Variants in EPHA6 observed in about 807,000 individuals in gnomAD.
The protein encoded by EPHA6 is EPH receptor A6.
EPHA6 carries 50 observed loss-of-function variants against 112.0 expected under a neutral mutation model. The observed-to-expected ratio is 0.45, with a 90% CI of 0.36 to 0.56. EPHA6 has a LOEUF of 0.56. EPHA6 is among the 20% of genes least tolerant of loss of function. The pLI, the probability that EPHA6 is intolerant of heterozygous loss-of-function variation, is 0.00. For synonymous variants in EPHA6, 529 were observed against 490.7 expected, an observed-to-expected ratio of 1.08 and a Z score of -1.03; for missense variants, 1,280 against 1,417.4, an observed-to-expected ratio of 0.90 and a Z score of 1.56.
At chr3:97,359,811 C>G (rs71311318) in intron 5 of EPHA6, among the ~76,000 whole-genome samples, 11,926 of 151,746 alleles carry the variant, frequency 0.079, 645 homozygotes, top group Non-Finnish European at 0.12. Context: ...TGCCAAAGAT[C>G]AGCATGCGGT....
At chr3:97,333,625 A>G (rs184832387) in intron 5 of EPHA6, among the ~76,000 whole-genome samples, 90 of 151,156 alleles carry the variant, frequency 6.0e-4, no homozygotes, top group South Asian at 3.8e-3. Flanking sequence ...GGCACACACC[A>G]CCACACACAG....
rs536883605 is a variant in EPHA6, at chr3:97,158,917, T to C, written c.1115-67347T>C. ...GTGGGCAAAATATGGGGGAGGCGTG[T>C]AGCTTTTTATGTTGTAGCCATCTTA... On this transcript the variant is annotated intron_variant, in intron 3 of 17. Transcript: ENST00000389672. 1.4e-3 allele frequency among the ~76,000 whole-genome samples: 219 copies of C among 152,212 alleles called. 1 individual carries two copies. Among genetic ancestry groups the C allele is most frequent in the Non-Finnish European group, 2.2e-3 (152 of 68,004 alleles).
chr3:97,609,069 G>C (rs9838161), intron 12 of EPHA6, among the ~76,000 whole-genome samples: 2,328 of 151,430 alleles, frequency 0.015, 74 homozygotes, highest in African/African-American at 0.053. Context: ...ATTCTTAAGG[G>C]AAGGATAAAT....
At chr3:97,016,853 G>T (rs1268339276) in intron 3 of EPHA6, among the ~76,000 whole-genome samples, 1 of 152,012 alleles carries the variant, frequency 6.6e-6, no homozygotes, top group Non-Finnish European at 1.5e-5. Flanking sequence ...TGATTATTTT[G>T]CCATTTGTTC....
At chr3:97,334,138 A>G (rs2082939351) in intron 5 of EPHA6, among the ~76,000 whole-genome samples, 1 of 152,106 alleles carries the variant, frequency 6.6e-6, no homozygotes, top group Non-Finnish European at 1.5e-5. Context: ...CTTTATATAT[A>G]TGGAAGAAAT....
At chr3:97,195,969 T>C (rs1426163819) in intron 3 of EPHA6, among the ~76,000 whole-genome samples, 1 of 152,034 alleles carries the variant, frequency 6.6e-6, no homozygotes, top group East Asian at 1.9e-4. Context: ...GTTAGTATTA[T>C]ATGAGTTACA....
chr3:97,155,190 A>G (rs2076261476), intron 3 of EPHA6, among the ~76,000 whole-genome samples: 1 of 152,180 alleles, frequency 6.6e-6, no homozygotes, highest in South Asian at 2.1e-4. Context: ...GAAAGAAAAG[A>G]AAATTTCAAC....
At chr3:97,576,016 A>G (rs935248641) in intron 11 of EPHA6, among the ~76,000 whole-genome samples, 11 of 152,148 alleles carry the variant, frequency 7.2e-5, no homozygotes, top group Admixed American at 6.6e-4. Context: ...TTTAGCAACT[A>G]GCTAAATGGT....
At position 97,502,127 on chromosome 3, in the gene EPHA6, G is replaced by A. The variant is rs546237021; in HGVS notation, c.2200+18068G>A. On this transcript the variant is annotated intron_variant, in intron 10 of 17. Transcript: ENST00000389672. ...ACAATTGGAGCATGATAACATTGAG[G>A]CTGTTTTGACCTAAGAGCAAGATTT... Among the ~76,000 whole-genome samples the A allele has an allele frequency of 4.0e-5, 6 of 150,700 alleles. No individual in the cohort carries two copies. In the East Asian group the frequency reaches 9.8e-4, roughly 25 times the overall value.
intron 5 of EPHA6, among the ~76,000 whole-genome samples, chr3:97,259,136 T>C (rs1216573670): frequency 6.6e-6 from 1 of 152,180 alleles, no homozygotes; most frequent in East Asian, 1.9e-4. Context: ...TTAAAGTTTG[T>C]ATCCTTTGAC....
At chr3:97,517,662 CA>C (rs2092468593) in intron 10 of EPHA6, among the ~76,000 whole-genome samples, 1 of 151,910 alleles carries the variant, frequency 6.6e-6, no homozygotes, top group Non-Finnish European at 1.5e-5. Flanking sequence ...TTACAGTTAC[CA>C]TTCTGGGCAA....
At chr3:97,137,646 A>G (rs76502029) in intron 3 of EPHA6, among the ~76,000 whole-genome samples, 14,203 of 152,192 alleles carry the variant, frequency 0.093, 1,051 homozygotes, top group Admixed American at 0.22. Context: ...CAAAATCTTT[A>G]TAAAACTATA....
chr3:96,987,509 G>C lies in EPHA6; in HGVS notation c.630G>C (p.Trp210Cys). 6.2e-7 allele frequency: 1 copy of C among 1,613,896 alleles called. No homozygotes were observed. The highest frequency in any genetic ancestry group is 8.5e-7 in the Non-Finnish European group (1 of 1,179,852). ...FTLRDCNSIP[W>C]VLGTCKETFN... ...TAAGGGATTGTAACAGCATCCCATGGGTCTTGGGGACTTGCAAAGAAACAT... is the reference window on the plus strand; with the variant it reads ...TAAGGGATTGTAACAGCATCCCATGCGTCTTGGGGACTTGCAAAGAAACAT... Residue 210 changes from tryptophan (W) to cysteine (C), a missense_variant, in exon 3 of 18, where the codon TGG (tryptophan) becomes TGC (cysteine). Coordinates refer to ENST00000389672, the MANE Select transcript of EPHA6 (RefSeq NM_001080448.3).
intron 11 of EPHA6, among the ~76,000 whole-genome samples, chr3:97,545,685 A>T (rs139307677): frequency 2.1e-3 from 313 of 152,108 alleles, no homozygotes; most frequent in African/African-American, 7.3e-3. Context: ...TCTCATTATT[A>T]TTGTGTGGGA....
intron 3 of EPHA6, among the ~76,000 whole-genome samples, chr3:96,991,572 A>G (rs1338684270): frequency 6.6e-6 from 1 of 152,152 alleles, no homozygotes; most frequent in Non-Finnish European, 1.5e-5. Context: ...GAATACCTGA[A>G]AGTTTATTTA....
chr3:96,825,925 C>A (rs1576065799), intron 1 of EPHA6, among the ~76,000 whole-genome samples: 1 of 151,504 alleles, frequency 6.6e-6, no homozygotes, highest in Admixed American at 6.6e-5. Context: ...AAATGATGAC[C>A]TTTAATAATT....
intron 11 of EPHA6, among the ~76,000 whole-genome samples, chr3:97,553,131 A>C (rs1362529023): frequency 6.6e-6 from 1 of 152,040 alleles, no homozygotes; most frequent in Non-Finnish European, 1.5e-5. Flanking sequence ...AATTCTTAGG[A>C]AAAACAACAA....
At chr3:97,539,015 CTTTCTT>C (rs1420211244) in intron 11 of EPHA6, among the ~76,000 whole-genome samples, 6 of 150,260 alleles carry the variant, frequency 4.0e-5, no homozygotes, top group African/African-American at 2.5e-5. Context: ...TTCTTTCTTT[CTTTCTT>C]TCTTTCTTTC....
At chr3:97,449,439 A>G (rs2090456604) in intron 7 of EPHA6, among the ~76,000 whole-genome samples, 1 of 152,136 alleles carries the variant, frequency 6.6e-6, no homozygotes, top group Admixed American at 6.6e-5. Flanking sequence ...ATCTGTTTCC[A>G]TCATTGTTAA....
Sources: allele counts gnomAD v4.1 joint callset (sites outside exome capture counted in the v4.1 genomes callset), GRCh38; gene constraint gnomAD v4.1.1; transcripts MANE v1.5; gene names NCBI Gene and HGNC (gene_info 2026-07-23, HGNC 2026-07-21).